Variants in PLEKHA3 observed in about 807,000 individuals in gnomAD.
PLEKHA3 encodes pleckstrin homology domain-containing family A member 3.
A neutral mutation model predicts 39.2 loss-of-function variants in PLEKHA3; 19 were observed. That is an observed-to-expected ratio of 0.48 (90% confidence interval 0.34 to 0.71). The LOEUF (loss-of-function observed/expected upper bound fraction) is 0.71, where lower values mean the gene tolerates loss of function less well. Ranked by LOEUF, PLEKHA3 falls within the 30% of genes least tolerant of loss-of-function variation. The pLI is 0.01. For synonymous variants in PLEKHA3, 97 were observed against 118.6 expected, an observed-to-expected ratio of 0.82 and a Z score of 1.18; for missense variants, 253 against 359.5, an observed-to-expected ratio of 0.70 and a Z score of 2.40.
intron 1 of PLEKHA3, among the ~76,000 whole-genome samples, chr2:178,485,072 A>G (rs1201431000): frequency 1.3e-5 from 2 of 152,260 alleles, no homozygotes; most frequent in Non-Finnish European, 2.9e-5. Flanking sequence ...GAGTTTGCTT[A>G]GAAATATGTA....
In PLEKHA3 at chr2:178,513,035, C is replaced by CTTTTT. The variant is rs1033560210; in HGVS notation, c.*9156_*9160dup. On this transcript the variant is annotated 3_prime_UTR_variant, in exon 8 of 8. Coordinates refer to ENST00000234453, the MANE Select transcript of PLEKHA3 (RefSeq NM_019091.4). The stretch of plus-strand genomic sequence containing the variant: ...CAGGGTGGTTAAATAAACAGTGGCA[C>CTTTTT]TTTTTTTTTTTTGAGACAGAGTCTC... 1 of 147,466 alleles carries CTTTTT rather than the reference C, an allele frequency of 6.8e-6. No homozygotes were observed. The highest frequency in any genetic ancestry group is 1.5e-5 in the Non-Finnish European group (1 of 66,180). 9.1% of individuals were successfully genotyped at this position (147,466 alleles called of 1,614,324 possible).
At position 178,509,600 on chromosome 2, in the gene PLEKHA3, C is replaced by T. The variant is rs576500542; in HGVS notation, c.*5713C>T. 6.6e-6 allele frequency: 1 copy of T among 152,168 alleles called. No homozygotes were observed. The highest frequency in any genetic ancestry group is 2.1e-4 in the South Asian group (1 of 4,818). The allele number at this position is 152,168 out of a possible 1,614,324, so 9.4% of individuals were successfully genotyped here. On this transcript the variant is annotated 3_prime_UTR_variant, in exon 8 of 8. Transcript: ENST00000234453. ...TCAAATGATCCTTTTACCTCAGCCT[C>T]CCGAATAACTAGGACTACAGGCATG...
chr2:178,498,671 G>GTTC (rs370263439), intron 5 of PLEKHA3, among the ~76,000 whole-genome samples: 41 of 151,872 alleles, frequency 2.7e-4, no homozygotes, highest in African/African-American at 9.7e-4. Flanking sequence ...GAGACTTAGG[G>GTTC]TTCTTCTTCT....
At chr2:178,485,555 G>GTA in intron 1 of PLEKHA3, 86 bp from the exon 2 acceptor site, 1 of 792,070 alleles carries the variant, frequency 1.3e-6, no homozygotes, top group Non-Finnish European at 2.2e-6. Context: ...GAAATAATGT[G>GTA]GATGGCAGGT....
Position 178,512,495 on chromosome 2 carries a change from C to A in PLEKHA3, c.*8608C>A, listed in dbSNP as rs1488299243. On this transcript the variant is annotated 3_prime_UTR_variant, in exon 8 of 8. Coordinates refer to ENST00000234453, the MANE Select transcript of PLEKHA3 (RefSeq NM_019091.4). ...TCTCTGTGCTTTTGCAAGTTTGGCA[C>A]AAAGACTTTTACTCACTTAAATCTC... 6.6e-6 allele frequency: 1 copy of A among 152,210 alleles called. No individual in the cohort carries two copies. Among genetic ancestry groups the A allele is most frequent in the Non-Finnish European group, 1.5e-5 (1 of 68,046 alleles). 9.4% of individuals were successfully genotyped at this position (152,210 alleles called of 1,614,324 possible).
Position 178,485,736 on chromosome 2 carries a change from ATGG to A in PLEKHA3, c.137_139del (p.Met46_Ala47delinsThr). 2 of 1,612,470 alleles carry A rather than the reference ATGG, an allele frequency of 1.2e-6. No homozygotes were observed. The highest frequency in any genetic ancestry group is 1.7e-6 in the Non-Finnish European group (2 of 1,178,580). On this transcript the variant is annotated inframe_deletion, in exon 2 of 8. Transcript: ENST00000234453. The stretch of plus-strand genomic sequence containing the variant: ...CAAAGGGAGCAAAGGAAGCATAAAG[ATGG>A]CAGTTTGTGAAATTAAAGGTAAGTG...
At chr2:178,494,040 G>A (rs778836847) in intron 4 of PLEKHA3, 51 bp downstream of exon 4, 5 of 1,564,094 alleles carry the variant, frequency 3.2e-6, no homozygotes, top group Non-Finnish European at 4.3e-6. Flanking sequence ...GAGTACTCTG[G>A]GGGGATCCTC....
In PLEKHA3 at chr2:178,505,102, T is replaced by A. The variant is rs567283455; in HGVS notation, c.*1215T>A. 6.6e-6 allele frequency: 1 copy of A among 152,548 alleles called. No homozygotes were observed. The highest frequency in any genetic ancestry group is 2.4e-5 in the African/African-American group (1 of 41,564). The allele number at this position is 152,548 out of a possible 1,614,324, so 9.4% of individuals were successfully genotyped here. A position where few individuals can be genotyped will look rare whatever the true frequency, so the allele number is the denominator to read the frequency against. ...ATTTTTTACATTCATTGATATTCTG[T>A]CTAATCTTTATTAGGCACTAATATA... On this transcript the variant is annotated 3_prime_UTR_variant, in exon 8 of 8. Transcript: ENST00000234453.
At chr2:178,483,884 G>A (rs1004820351) in intron 1 of PLEKHA3, among the ~76,000 whole-genome samples, 2 of 152,158 alleles carry the variant, frequency 1.3e-5, no homozygotes, top group African/African-American at 4.8e-5. Context: ...TTTGAGACCA[G>A]CCTGGGCAAC....
chr2:178,492,051 T>C (rs562987803), intron 3 of PLEKHA3, among the ~76,000 whole-genome samples: 1 of 152,302 alleles, frequency 6.6e-6, no homozygotes, highest in South Asian at 2.1e-4. Flanking sequence ...TCAACATGAG[T>C]TTTGCTGGAA....
chr2:178,506,215 C>T lies in PLEKHA3; in HGVS notation c.*2328C>T, dbSNP rs1685599254. On this transcript the variant is annotated 3_prime_UTR_variant, in exon 8 of 8. Transcript: ENST00000234453. ...TCCCTTTTTTTTGCTTTGTCTAGGT[C>T]ATGGGGTTATTGAGAAACATGAAAA... The T allele has an allele frequency of 6.6e-6, 1 of 151,922 alleles. No individual in the cohort carries two copies. Among genetic ancestry groups the T allele is most frequent in the East Asian group, 1.9e-4 (1 of 5,196 alleles). 9.4% of individuals were successfully genotyped at this position (151,922 alleles called of 1,614,324 possible).
chr2:178,483,227 C>T (rs1212595061), intron 1 of PLEKHA3, among the ~76,000 whole-genome samples: 1 of 149,542 alleles, frequency 6.7e-6, no homozygotes, highest in Non-Finnish European at 1.5e-5. Flanking sequence ...CCACTGCACT[C>T]AAACCTTGGC....
rs1450710619 is a variant in PLEKHA3 at position 178,511,171 on chromosome 2, A to T, written c.*7284A>T. The T allele has an allele frequency of 6.6e-6, 1 of 152,134 alleles. No homozygotes were observed. The allele number at this position is 152,134 out of a possible 1,614,324, so 9.4% of individuals were successfully genotyped here. ...AGGAGGGAGATTTTTATTTGTAAGG[A>T]CATTTGTATTATCTTTCATTAAAGT... is the stretch of plus-strand genomic sequence containing the variant. On this transcript the variant is annotated 3_prime_UTR_variant, in exon 8 of 8. Coordinates refer to ENST00000234453, the MANE Select transcript of PLEKHA3 (RefSeq NM_019091.4).
intron 6 of PLEKHA3, 101 bp downstream of exon 6, chr2:178,499,355 G>A: frequency 2.6e-6 from 3 of 1,150,438 alleles, no homozygotes; most frequent in Non-Finnish European, 3.7e-6. Flanking sequence ...AACTCTGTAT[G>A]GGTTAGGTCT....
In PLEKHA3 at chr2:178,511,582, G is replaced by T. The variant is rs1685686801; in HGVS notation, c.*7695G>T. On this transcript the variant is annotated 3_prime_UTR_variant, in exon 8 of 8. Coordinates refer to ENST00000234453, the MANE Select transcript of PLEKHA3 (RefSeq NM_019091.4). ...AAAAATTTTTCACCATGTTGGCCAG[G>T]GTGGTCTCAAACTCCTAAGCTCAGG... The T allele has an allele frequency of 6.6e-6, 1 of 152,168 alleles. No homozygotes were observed. The highest frequency in any genetic ancestry group is 1.5e-5 in the Non-Finnish European group (1 of 68,060). The allele number at this position is 152,168 out of a possible 1,614,324, so 9.4% of individuals were successfully genotyped here.
chr2:178,482,665 T>G (rs934089924), intron 1 of PLEKHA3, among the ~76,000 whole-genome samples: 1 of 151,924 alleles, frequency 6.6e-6, no homozygotes, highest in African/African-American at 2.4e-5. Flanking sequence ...ATTACTGAGA[T>G]GAGTCATAAT....
intron 2 of PLEKHA3, 70 bp downstream of exon 2, chr2:178,485,827 G>A (rs1685240670): frequency 3.4e-6 from 4 of 1,190,396 alleles, no homozygotes; most frequent in South Asian, 2.5e-5. Flanking sequence ...TACTCCAGAC[G>A]AGGAAAAAAA....
At chr2:178,499,908 G>A (rs1286039765) in intron 6 of PLEKHA3, among the ~76,000 whole-genome samples, 1 of 152,130 alleles carries the variant, frequency 6.6e-6, no homozygotes, top group Non-Finnish European at 1.5e-5. Flanking sequence ...TTGATGTGTT[G>A]AGACTCCACA....
In PLEKHA3 at chr2:178,493,859, G is replaced by C; in HGVS notation, c.320G>C (p.Ser107Thr). 4.3e-6 allele frequency: 7 copies of C among 1,612,808 alleles called. No homozygotes were observed. The highest frequency in any genetic ancestry group is 5.9e-6 in the Non-Finnish European group (7 of 1,179,164). The change falls in exon 4 of 8, where the codon AGT (serine) becomes ACT (threonine). Residue 107 changes from serine (S) to threonine (T), a missense_variant. By Grantham distance (58) the Ser-to-Thr change is moderately conservative (BLOSUM62 1). This residue lies in a region of PLEKHA3 where 126 missense variants were observed against 222.7 expected (regional missense o/e 0.57). Coordinates refer to ENST00000234453, the MANE Select transcript of PLEKHA3 (RefSeq NM_019091.4). ...DTRTKKEKEISETSESLKTKM... is the reference protein window; with the variant it reads ...DTRTKKEKEITETSESLKTKM... Reference sequence around the variant, plus strand: ...TTATGTATATTCTTTTCAGAAATAAGTGAAACCAGTGAATCGCTGAAAACC... The same window carrying C: ...TTATGTATATTCTTTTCAGAAATAACTGAAACCAGTGAATCGCTGAAAACC...
Sources: allele counts gnomAD v4.1 joint callset (sites outside exome capture counted in the v4.1 genomes callset), GRCh38; gene constraint gnomAD v4.1.1; regional missense constraint gnomAD v4.1.1; transcripts MANE v1.5; gene names NCBI Gene and HGNC (gene_info 2026-07-23, HGNC 2026-07-21).